The following PDE11A variants were observed in gnomAD, a reference collection of about 807,000 sequenced individuals.
PDE11A encodes phosphodiesterase 11A, also known as dual 3',5'-cyclic-AMP and -GMP phosphodiesterase 11A.
PDE11A carries 100 observed loss-of-function variants against 100.5 expected under a neutral mutation model. The ratio of observed to expected loss-of-function variants is 1.00; its 90% CI spans 0.85 to 1.18. The LOEUF (loss-of-function observed/expected upper bound fraction) is 1.18. Among genes scored for constraint, PDE11A ranks in the 50% most tolerant of loss-of-function variants. The pLI, the probability that PDE11A is intolerant of heterozygous loss-of-function variation, is 0.00. For missense variants in PDE11A, 1,141 were observed against 1,152.6 expected, an observed-to-expected ratio of 0.99 and a Z score of 0.15; for synonymous variants, 381 against 420.8, an observed-to-expected ratio of 0.91 and a Z score of 1.16.
chr2:178,012,407 T>G (rs1025789116), intron 2 of PDE11A, among the ~76,000 whole-genome samples: 1 of 152,220 alleles, frequency 6.6e-6, no homozygotes, highest in Non-Finnish European at 1.5e-5. Flanking sequence ...CCTAGTTTCT[T>G]GTATTTTGCA....
chr2:178,079,472 G>C (rs2087256472), intron 2 of PDE11A, among the ~76,000 whole-genome samples: 1 of 152,016 alleles, frequency 6.6e-6, no homozygotes, highest in Admixed American at 6.6e-5. Context: ...ACATGATCTT[G>C]TTCCTTTTCA....
intron 1 of PDE11A, among the ~76,000 whole-genome samples, chr2:178,058,422 A>C (rs1214625680): frequency 6.6e-6 from 1 of 152,050 alleles, no homozygotes; most frequent in Non-Finnish European, 1.5e-5. Flanking sequence ...CCAAGATCTG[A>C]TGGTTTTAAA....
chr2:177,705,757 G>T (rs551983266), intron 13 of PDE11A, among the ~76,000 whole-genome samples: 78 of 152,358 alleles, frequency 5.1e-4, no homozygotes, highest in African/African-American at 1.8e-3. Flanking sequence ...GGGAGATGGT[G>T]AGGAATGGGA....
chr2:178,091,115 A>G (rs1402729759), intron 2 of PDE11A, among the ~76,000 whole-genome samples: 4 of 152,152 alleles, frequency 2.6e-5, no homozygotes, highest in Non-Finnish European at 5.9e-5. Flanking sequence ...TCTGTTGCTC[A>G]AGCTGAGTGT....
At chr2:177,710,586 T>C (rs1306879598) in intron 13 of PDE11A, among the ~76,000 whole-genome samples, 1 of 152,190 alleles carries the variant, frequency 6.6e-6, no homozygotes, top group Non-Finnish European at 1.5e-5. Flanking sequence ...AGCAAGAGAC[T>C]GAATTGTTAG....
At chr2:178,032,483 CA>C (rs11357476) in intron 1 of PDE11A, among the ~76,000 whole-genome samples, 70,004 of 128,216 alleles carry the variant, frequency 0.55, 17,394 homozygotes, top group East Asian at 0.72. Flanking sequence ...GACCCCATCT[CA>C]AAAAAAAAAA....
chr2:178,020,662 G>A (rs905030493), intron 1 of PDE11A, among the ~76,000 whole-genome samples: 1 of 151,968 alleles, frequency 6.6e-6, no homozygotes, highest in African/African-American at 2.4e-5. Flanking sequence ...TGTGGTGGTA[G>A]GCGCCTGTAA....
intron 15 of PDE11A, among the ~76,000 whole-genome samples, chr2:177,692,494 C>T (rs945705493): frequency 2.0e-5 from 3 of 152,154 alleles, no homozygotes; most frequent in Non-Finnish European, 2.9e-5. Context: ...TATGCCTATA[C>T]CCCTGTTGCT....
intron 1 of PDE11A, chr2:178,018,542 C>A: frequency 5.1e-6 from 2 of 390,000 alleles, no homozygotes; most frequent in Non-Finnish European, 5.0e-6. Context: ...CTCTGCCATG[C>A]CATTCCACTA....
At chr2:178,032,844 G>A (rs934976178) in intron 1 of PDE11A, among the ~76,000 whole-genome samples, 1 of 152,126 alleles carries the variant, frequency 6.6e-6, no homozygotes, top group Non-Finnish European at 1.5e-5. Flanking sequence ...AACAGAAAGC[G>A]ATAACATCAA....
At chr2:177,951,786 T>C (rs2085508151) in intron 2 of PDE11A, among the ~76,000 whole-genome samples, 1 of 152,198 alleles carries the variant, frequency 6.6e-6, no homozygotes, top group Non-Finnish European at 1.5e-5. Flanking sequence ...CAGAGGAAGA[T>C]ATTATCTTCA....
rs71010857 is a variant in PDE11A, at chr2:178,096,169, C to CTTTTTTTTTTTTTTTTTTT, written c.162+8132_162+8133insAAAAAAAAAAAAAAAAAAA. ...AGAAAACAGGTTTTTCTTTTCTTTTCTTTTTTTTTTTTGAGATGGAGTCTC... is the reference window on the plus strand; with the variant it reads ...AGAAAACAGGTTTTTCTTTTCTTTTCTTTTTTTTTTTTTTTTTTTTTTTTTTTTTTTGAGATGGAGTCTC... On this transcript the variant is annotated intron_variant, in intron 2 of 20. Transcript: ENST00000358450. Among the ~76,000 whole-genome samples the CTTTTTTTTTTTTTTTTTTT allele has an allele frequency of 4.9e-4, 59 of 120,100 alleles. 6 individuals carry two copies. Among genetic ancestry groups the CTTTTTTTTTTTTTTTTTTT allele is most frequent in the African/African-American group, 1.1e-3 (33 of 30,960 alleles). The allele number at this position is 120,100 out of a possible 152,430, so 78.8% of individuals were successfully genotyped here. A position where few individuals can be genotyped will look rare whatever the true frequency, so the allele number is the denominator to read the frequency against.
At chr2:177,694,063 C>A (rs1319834764) in intron 15 of PDE11A, among the ~76,000 whole-genome samples, 1 of 152,152 alleles carries the variant, frequency 6.6e-6, no homozygotes, top group Non-Finnish European at 1.5e-5. Flanking sequence ...CTATTCAGAA[C>A]CTCAAAAAAC....
At chr2:177,904,711 G>A (rs143260870) in intron 3 of PDE11A, among the ~76,000 whole-genome samples, 2,833 of 151,718 alleles carry the variant, frequency 0.019, 52 homozygotes, top group South Asian at 0.046. Context: ...CCACCACCAC[G>A]CCCGGCTAAT....
chr2:178,105,769 G>C, intron 1 of PDE11A: 1 of 1,051,544 alleles, frequency 9.5e-7, no homozygotes, highest in East Asian at 3.3e-5. Flanking sequence ...CCCTGGGCCA[G>C]ATCACTTCCT....
intron 4 of PDE11A, among the ~76,000 whole-genome samples, chr2:177,883,880 T>C (rs769529488): frequency 1.3e-5 from 2 of 152,162 alleles, no homozygotes; most frequent in Non-Finnish European, 2.9e-5. Flanking sequence ...GATATCCATG[T>C]GAAGAGAAGC....
intron 2 of PDE11A, among the ~76,000 whole-genome samples, chr2:178,102,334 C>A (rs1457886924): frequency 2.6e-5 from 4 of 151,448 alleles, no homozygotes; most frequent in Non-Finnish European, 5.9e-5. Context: ...ACTCTGTTGG[C>A]CAGGCTGGTC....
At chr2:178,051,501 T>C (rs2105857656) in intron 1 of PDE11A, among the ~76,000 whole-genome samples, 1 of 152,212 alleles carries the variant, frequency 6.6e-6, no homozygotes, top group South Asian at 2.1e-4. Context: ...AATTCACACA[T>C]AACAATATTA....
rs540865145 is a variant in PDE11A, at chr2:177,807,422, T to C, written c.1737+9407A>G. ...AAAAACATTTTTGTTTTTATTATTT[T>C]ATTTTATTTTATTTTTTTGAGACGG... is the stretch of plus-strand genomic sequence containing the variant. On this transcript the variant is annotated intron_variant, in intron 9 of 19. Transcript: ENST00000286063. Among the ~76,000 whole-genome samples the C allele has an allele frequency of 7.2e-5, 11 of 152,232 alleles. No homozygotes were observed. In the East Asian group the frequency reaches 1.4e-3, roughly 19 times the overall value.
Sources: allele counts gnomAD v4.1 joint callset (sites outside exome capture counted in the v4.1 genomes callset), GRCh38; gene constraint gnomAD v4.1.1; transcripts MANE v1.5; gene names NCBI Gene and HGNC (gene_info 2026-07-23, HGNC 2026-07-21).